SETD3: variants seen among roughly 807,000 people sequenced by gnomAD.
SETD3 encodes the protein SET domain containing 3, actin N3(tau)-histidine methyltransferase, also known as actin-histidine N-methyltransferase.
Under a neutral mutation model 63.0 loss-of-function variants are expected in SETD3, and 19 were observed. That is an observed-to-expected ratio of 0.30 (90% confidence interval 0.21 to 0.44). The LOEUF is 0.44. Ranked by LOEUF, SETD3 falls within the 20% of genes least tolerant of loss-of-function variation. SETD3 has a pLI of 1.00. For missense variants in SETD3, 587 were observed against 728.5 expected (o/e 0.81, Z 2.24); for synonymous variants, 286 against 264.1 (o/e 1.08, Z -0.80).
intron 3 of SETD3, among the ~76,000 whole-genome samples, chr14:99,463,157 T>C (rs972582538): frequency 1.3e-5 from 2 of 152,262 alleles, no homozygotes; most frequent in African/African-American, 4.8e-5. Context: ...CGATATACAC[T>C]ATATGCACTG....
At chr14:99,416,369 A>T (rs1368229910) in intron 6 of SETD3, among the ~76,000 whole-genome samples, 1 of 152,254 alleles carries the variant, frequency 6.6e-6, no homozygotes, top group South Asian at 2.1e-4. Context: ...TATACAAAAG[A>T]TAACTGAGCG....
intron 6 of SETD3, among the ~76,000 whole-genome samples, chr14:99,450,899 G>A (rs908034885): frequency 3.9e-5 from 6 of 152,136 alleles, no homozygotes; most frequent in African/African-American, 1.2e-4. Context: ...CAACAACATA[G>A]AAAAATGTAC....
At chr14:99,446,461 G>A (rs537776611) in intron 6 of SETD3, among the ~76,000 whole-genome samples, 8 of 152,118 alleles carry the variant, frequency 5.3e-5, no homozygotes, top group African/African-American at 9.6e-5. Context: ...AGCCCACAGC[G>A]GGCATTGCCT....
Position 99,400,189 on chromosome 14 carries a change from A to C in SETD3, c.1248T>G (p.Phe416Leu). Residue 416 changes from phenylalanine (F) to leucine (L), a missense_variant, in exon 12 of 13, where the codon TTT becomes TTG. Coordinates refer to ENST00000331768, the MANE Select transcript of SETD3 (RefSeq NM_032233.3). ...DRIFTLGNSE[F>L]PVSWDNEVKL... ...TGACCTCGTTGTCCCAGCTAACAGGAAATTCCGAGTTCCCCAAGGTGAAGA... is the reference window on the plus strand; with the variant it reads ...TGACCTCGTTGTCCCAGCTAACAGGCAATTCCGAGTTCCCCAAGGTGAAGA... The C allele has an allele frequency of 6.2e-7, 1 of 1,614,198 alleles. No homozygotes were observed. The highest frequency in any genetic ancestry group is 8.5e-7 in the Non-Finnish European group (1 of 1,180,024).
intron 6 of SETD3, among the ~76,000 whole-genome samples, chr14:99,450,275 A>G (rs1312110731): frequency 6.6e-6 from 1 of 152,226 alleles, no homozygotes; most frequent in Non-Finnish European, 1.5e-5. Context: ...GGCCTCATGT[A>G]TTATCAGAGT....
chr14:99,453,042 T>C (rs1483095480), intron 6 of SETD3, among the ~76,000 whole-genome samples: 1 of 152,110 alleles, frequency 6.6e-6, no homozygotes, highest in African/African-American at 2.4e-5. Flanking sequence ...GTTAACAGCC[T>C]CAATGCCGAA....
At chr14:99,400,560 T>C (rs1256575948) in intron 11 of SETD3, among the ~76,000 whole-genome samples, 1 of 152,178 alleles carries the variant, frequency 6.6e-6, no homozygotes, top group Non-Finnish European at 1.5e-5. Flanking sequence ...CAAGATACTT[T>C]TTAAAGACAA....
chr14:99,407,553 C>T (rs570924788), intron 8 of SETD3, among the ~76,000 whole-genome samples: 78 of 152,266 alleles, frequency 5.1e-4, no homozygotes, highest in African/African-American at 1.8e-3. Flanking sequence ...CCTATGATTC[C>T]GCTCTGCCTT....
intron 6 of SETD3, among the ~76,000 whole-genome samples, chr14:99,420,022 TA>T (rs1158526652): frequency 1.3e-5 from 2 of 152,194 alleles, no homozygotes; most frequent in Non-Finnish European, 2.9e-5. Flanking sequence ...CTGATATCAT[TA>T]GGGGGTACTG....
At chr14:99,465,385 G>A (rs1315473700) in intron 2 of SETD3, among the ~76,000 whole-genome samples, 1 of 152,224 alleles carries the variant, frequency 6.6e-6, no homozygotes, top group Non-Finnish European at 1.5e-5. Flanking sequence ...CTGCCGAGCG[G>A]CACACTGTGA....
At chr14:99,413,483 T>C (rs1238028456) in intron 7 of SETD3, among the ~76,000 whole-genome samples, 2 of 152,224 alleles carry the variant, frequency 1.3e-5, no homozygotes, top group East Asian at 3.8e-4. Flanking sequence ...CTGTGAATTG[T>C]AAGAAATGTA....
intron 6 of SETD3, among the ~76,000 whole-genome samples, chr14:99,441,328 C>A (rs1054813549): frequency 6.6e-6 from 1 of 152,234 alleles, no homozygotes; most frequent in Non-Finnish European, 1.5e-5. Flanking sequence ...CCTGGCCACA[C>A]GTGACTTACA....
At chr14:99,443,836 A>C (rs1236102833) in intron 6 of SETD3, among the ~76,000 whole-genome samples, 1 of 152,180 alleles carries the variant, frequency 6.6e-6, no homozygotes, top group African/African-American at 2.4e-5. Flanking sequence ...TGGCTTTCTA[A>C]CTATATAGTC....
At chr14:99,428,652 A>T (rs1474961433) in intron 6 of SETD3, among the ~76,000 whole-genome samples, 2 of 152,182 alleles carry the variant, frequency 1.3e-5, no homozygotes, top group African/African-American at 4.8e-5. Flanking sequence ...CTCAAGAAAA[A>T]AGAAAGAAAA....
At chr14:99,443,791 T>C (rs1181202039) in intron 6 of SETD3, among the ~76,000 whole-genome samples, 22 of 152,122 alleles carry the variant, frequency 1.4e-4, no homozygotes. Flanking sequence ...AAGATGAAGG[T>C]TACAGGGAGG....
chr14:99,446,598 A>C (rs959505843), intron 6 of SETD3, among the ~76,000 whole-genome samples: 1 of 152,106 alleles, frequency 6.6e-6, no homozygotes, highest in Non-Finnish European at 1.5e-5. Flanking sequence ...CACCTGCGTC[A>C]CAGGTAAGGT....
At chr14:99,459,001 G>T in intron 5 of SETD3, 112 bp downstream of exon 5, 1 of 677,084 alleles carries the variant, frequency 1.5e-6, no homozygotes, top group Non-Finnish European at 2.5e-6. Context: ...ATATTTGAGG[G>T]AATATTTCGC....
At chr14:99,448,585 C>A (rs544333977) in intron 6 of SETD3, among the ~76,000 whole-genome samples, 1 of 152,264 alleles carries the variant, frequency 6.6e-6, no homozygotes, top group South Asian at 2.1e-4. Flanking sequence ...CCATAGAATG[C>A]AAGGATTAAA....
chr14:99,471,708 G>A (rs1316574797), intron 1 of SETD3, among the ~76,000 whole-genome samples: 1 of 152,190 alleles, frequency 6.6e-6, no homozygotes, highest in African/African-American at 2.4e-5. Flanking sequence ...AAAGCTTTAG[G>A]ACATTACATT....
Sources: allele counts gnomAD v4.1 joint callset (sites outside exome capture counted in the v4.1 genomes callset), GRCh38; gene constraint gnomAD v4.1.1; transcripts MANE v1.5; gene names NCBI Gene and HGNC (gene_info 2026-07-23, HGNC 2026-07-21).